The following TRPA1 variants were observed in gnomAD, a reference collection of about 807,000 sequenced individuals.
The protein encoded by TRPA1 is transient receptor potential cation channel subfamily A member 1.
Under a neutral mutation model 131.3 loss-of-function variants are expected in TRPA1, and 129 were observed. That is an observed-to-expected ratio of 0.98 (90% CI 0.85 to 1.14). The LOEUF is 1.14. TRPA1 is among the 50% of genes most tolerant of loss of function. The pLI is 0.00. For missense variants in TRPA1, 1,304 were observed against 1,354.2 expected (o/e 0.96, Z 0.58); for synonymous variants, 441 against 451.7 (o/e 0.98, Z 0.30).
At chr8:72,046,431 A>G (rs1020822113) in intron 17 of TRPA1, 82 bp downstream of exon 17, 24 of 798,524 alleles carry the variant, frequency 3.0e-5, no homozygotes, top group Non-Finnish European at 4.0e-5. Flanking sequence ...CAATGTGCAC[A>G]TGTACCCTAA....
chr8:72,081,685 A>G, the TRPA1 span, among the ~76,000 whole-genome samples: 1 of 151,738 alleles, frequency 6.6e-6, no homozygotes, highest in Non-Finnish European at 1.5e-5. Context: ...TTGTTCTTAG[A>G]TGCATACTTA....
intron 2 of TRPA1, among the ~76,000 whole-genome samples, chr8:72,069,505 G>A (rs956320202): frequency 6.6e-6 from 1 of 152,016 alleles, no homozygotes; most frequent in East Asian, 1.9e-4. Flanking sequence ...ATAAAATATT[G>A]GGATTATATA....
the TRPA1 span, among the ~76,000 whole-genome samples, chr8:72,084,026 T>A: frequency 1.3e-5 from 2 of 152,198 alleles, no homozygotes; most frequent in African/African-American, 4.8e-5. Flanking sequence ...AGATGAAAGT[T>A]GACAAATTTG....
rs1398514374 is a variant in TRPA1 at position 72,075,295 on chromosome 8, G to A, written c.111+4C>T. 6 of 1,610,966 alleles carry A rather than the reference G, an allele frequency of 3.7e-6. No individual in the cohort carries two copies. The African/African-American group carries it at 8.0e-5, about 22-fold the overall frequency. On this transcript the variant is annotated splice_donor_region_variant and intron_variant, in intron 1 of 26. Coordinates refer to ENST00000262209, the MANE Select transcript of TRPA1 (RefSeq NM_007332.3). ...CCCTCCAGACCCGCGAGCCCCCAGA[G>A]TACCTTAAGCGATTCCTTGAAATCC...
At chr8:72,038,706 C>T (rs1158473911) in intron 19 of TRPA1, 159 bp downstream of exon 19, 1 of 648,812 alleles carries the variant, frequency 1.5e-6, no homozygotes, top group African/African-American at 1.8e-5. Flanking sequence ...CCCTCTCCTT[C>T]CACAAAGGAT....
intron 2 of TRPA1, 70 bp downstream of exon 2, chr8:72,071,641 C>G (rs975378714): frequency 4.5e-6 from 7 of 1,555,776 alleles, no homozygotes; most frequent in Non-Finnish European, 6.2e-6. Flanking sequence ...AAAATCACTT[C>G]CTTCCATTCT....
intron 17 of TRPA1, among the ~76,000 whole-genome samples, chr8:72,044,385 A>G (rs1563390364): frequency 2.0e-5 from 3 of 152,130 alleles, no homozygotes; most frequent in South Asian, 2.1e-4. Context: ...TTAAAACACC[A>G]TACTAGAAAC....
rs113124436 is a variant in TRPA1, at chr8:72,066,315, C to G, written c.445-757G>C. Among the ~76,000 whole-genome samples the G allele has an allele frequency of 8.7e-3, 1,330 of 152,304 alleles. 25 individuals carry two copies. The highest frequency in any genetic ancestry group is 0.03 in the African/African-American group (1,243 of 41,564). On this transcript the variant is annotated intron_variant, in intron 3 of 26. Coordinates refer to ENST00000262209, the MANE Select transcript of TRPA1 (RefSeq NM_007332.3). ...AGTCTTTATTTTATATTCAATGTAACAAAATTATCTCATATAAATGTCTCA... is the reference window on the plus strand; with the variant it reads ...AGTCTTTATTTTATATTCAATGTAAGAAAATTATCTCATATAAATGTCTCA...
Position 72,055,330 on chromosome 8 carries a change from T to C in TRPA1, c.1529+106A>G. 4 of 903,786 alleles carry C rather than the reference T, an allele frequency of 4.4e-6. No homozygotes were observed. In the East Asian group the frequency reaches 7.7e-5, roughly 17 times the overall value. The allele number at this position is 903,786 out of a possible 1,614,324, so 56.0% of individuals were successfully genotyped here. ...AAAAAATAAATTGGATAAAAGTACT[T>C]AGTGAGATATAAAGTTAGACCTCAT... On this transcript the variant is annotated intron_variant, in intron 12 of 26. Transcript: ENST00000262209.
chr8:72,076,060 G>A (rs1188791988), upstream of TRPA1, among the ~76,000 whole-genome samples: 2 of 152,090 alleles, frequency 1.3e-5, no homozygotes, highest in Non-Finnish European at 1.5e-5. Flanking sequence ...TCTTTGATTT[G>A]GAAATAACGT....
At chr8:72,048,607 G>GGGC (rs1029129982) in intron 15 of TRPA1, among the ~76,000 whole-genome samples, 6 of 152,224 alleles carry the variant, frequency 3.9e-5, no homozygotes, top group Admixed American at 3.9e-4. Context: ...AATAAAGGAT[G>GGGC]GGCTGTCTTG....
chr8:72,032,588 G>A (rs183386965), intron 23 of TRPA1, among the ~76,000 whole-genome samples: 4 of 152,274 alleles, frequency 2.6e-5, no homozygotes, highest in South Asian at 2.1e-4. Context: ...GATGCACAGC[G>A]GGCGCTGGAT....
intron 3 of TRPA1, 57 bp from the exon 4 acceptor site, chr8:72,065,615 T>C (rs1254849902): frequency 8.0e-7 from 1 of 1,253,082 alleles, no homozygotes; most frequent in African/African-American, 1.5e-5. Context: ...ATAAGGTACT[T>C]GCCTTCCACT....
chr8:72,049,371 A>G (rs1178978011), intron 15 of TRPA1, among the ~76,000 whole-genome samples: 1 of 152,208 alleles, frequency 6.6e-6, no homozygotes, highest in Admixed American at 6.5e-5. Context: ...TGACTTGCCT[A>G]AAACAACACA....
intron 2 of TRPA1, among the ~76,000 whole-genome samples, chr8:72,070,356 C>T (rs1237470740): frequency 1.3e-5 from 2 of 152,182 alleles, no homozygotes; most frequent in Admixed American, 1.3e-4. Context: ...CACACCCACA[C>T]ACACACATCT....
chr8:72,053,007 A>AGAG (rs1805559274), intron 13 of TRPA1: 55 of 232,108 alleles, frequency 2.4e-4, no homozygotes, highest in Admixed American at 5.1e-4. Flanking sequence ...GAGATAGAGA[A>AGAG]AGAGAGAGAG....
chr8:72,022,152 T>C lies in TRPA1; in HGVS notation c.*754A>G, dbSNP rs1811415631. ...AAAAAGGGAATATGTGATGGAGCCA[T>C]GTTGTTTTCAAATCTCAAACAAAGG... is the stretch of plus-strand genomic sequence containing the variant. On this transcript the variant is annotated 3_prime_UTR_variant, in exon 27 of 27. Coordinates refer to ENST00000262209, the MANE Select transcript of TRPA1 (RefSeq NM_007332.3). 1 of 152,144 alleles carries C rather than the reference T, an allele frequency of 6.6e-6. No individual in the cohort carries two copies. The highest frequency in any genetic ancestry group is 6.5e-5 in the Admixed American group (1 of 15,274). The allele number at this position is 152,144 out of a possible 1,614,324, so 9.4% of individuals were successfully genotyped here.
Position 72,053,841 on chromosome 8 carries a change from T to C in TRPA1, c.1556A>G (p.His519Arg). Residue 519 changes from histidine to arginine, a missense_variant, in exon 13 of 27, where the codon CAT becomes CGT. Physicochemically the swap from His to Arg is conservative, Grantham distance 29. Transcript: ENST00000262209. ...AGTGTACCCGCCCATGGACGCATGA[T>C]GCAAAGCTGTCCAGCCATTGTGGTC... ...LSDHNGWTAL[H>R]HASMGGYTQT... 1.2e-6 allele frequency: 2 copies of C among 1,611,860 alleles called. No homozygotes were observed. The highest frequency in any genetic ancestry group is 1.7e-6 in the Non-Finnish European group (2 of 1,179,688).
At chr8:72,038,166 T>C in intron 19 of TRPA1, 94 bp from the exon 20 acceptor site, 1 of 717,976 alleles carries the variant, frequency 1.4e-6, no homozygotes, top group Non-Finnish European at 2.3e-6. Flanking sequence ...TTTTTCTTTT[T>C]TTTTTGCTTA....
Sources: gnomAD v4.1 joint callset for allele counts (sites outside exome capture counted in the v4.1 genomes callset) on GRCh38, gnomAD v4.1.1 for gene constraint, MANE v1.5 for transcripts, NCBI Gene and HGNC (gene_info 2026-07-23, HGNC 2026-07-21) for gene names.